NPEPPS: variants seen among roughly 807,000 people sequenced by gnomAD.
The protein encoded by NPEPPS is puromycin-sensitive aminopeptidase.
Under a neutral mutation model 115.5 loss-of-function variants are expected in NPEPPS, and 14 were observed. The ratio of observed to expected loss-of-function variants is 0.12; its 90% CI spans 0.08 to 0.19. The LOEUF (loss-of-function observed/expected upper bound fraction) is 0.19. Among genes scored for constraint, NPEPPS ranks in the 10% least tolerant of loss-of-function variants. The probability of loss-of-function intolerance (pLI) is 1.00; values close to 1 mark genes in which losing one functional copy is unlikely to be tolerated. For missense variants in NPEPPS, 523 were observed against 1,110.8 expected (o/e 0.47, Z 7.52); for synonymous variants, 285 against 390.6 (o/e 0.73, Z 3.19).
chr17:47,527,859 G>C (rs1261329594), upstream of NPEPPS, among the ~76,000 whole-genome samples: 4 of 151,578 alleles, frequency 2.6e-5, no homozygotes, highest in Non-Finnish European at 1.5e-5. Flanking sequence ...TGGGGCAGGA[G>C]AGTCGCTTGA....
At chr17:47,568,176 T>C (rs1178120568) in intron 2 of NPEPPS, among the ~76,000 whole-genome samples, 2 of 151,276 alleles carry the variant, frequency 1.3e-5, no homozygotes, top group Non-Finnish European at 3.0e-5. Context: ...TTTTTTTTCT[T>C]TTTTTGAGAC....
chr17:47,566,154 T>C (rs552566460), intron 2 of NPEPPS, among the ~76,000 whole-genome samples: 31 of 152,244 alleles, frequency 2.0e-4, no homozygotes, highest in African/African-American at 7.0e-4. Context: ...TCACCACGTA[T>C]GACTAATTTT....
chr17:47,534,101 T>TC (rs1298330188), intron 1 of NPEPPS, among the ~76,000 whole-genome samples: 1 of 152,206 alleles, frequency 6.6e-6, no homozygotes, highest in Non-Finnish European at 1.5e-5. Flanking sequence ...AAAATTCTTT[T>TC]TTTTTTTTGA....
intron 2 of NPEPPS, among the ~76,000 whole-genome samples, chr17:47,553,262 A>T (rs1048412177): frequency 6.6e-6 from 1 of 150,932 alleles, no homozygotes; most frequent in Non-Finnish European, 1.5e-5. Context: ...AATCCTAGCT[A>T]CTCGGGAGGC....
rs1292529642 is a variant in NPEPPS at position 47,601,687 on chromosome 17, A to G, written c.1680A>G (p.Leu560=). ...EDPNQAKLKI[L]MDKPEMNVVL... is the part of the protein sequence containing the mutation. ...CCAACCAGGCCAAACTAAAAATTCT[A>G]ATGGACAAGCCAGAGATGAATGTGG... Residue 560 remains leucine, a synonymous_variant, in exon 15 of 23, where the codon CTA becomes CTG. Coordinates refer to ENST00000322157, the MANE Select transcript of NPEPPS (RefSeq NM_006310.4). The G allele has an allele frequency of 6.2e-7, 1 of 1,613,048 alleles. No homozygotes were observed. Among genetic ancestry groups the G allele is most frequent in the Admixed American group, 1.7e-5 (1 of 59,690 alleles).
intron 3 of NPEPPS, among the ~76,000 whole-genome samples, chr17:47,572,034 T>G (rs549192977): frequency 8.1e-6 from 1 of 123,612 alleles, no homozygotes; most frequent in Non-Finnish European, 1.8e-5. Context: ...GGACTAGTAG[T>G]GAGCGGGCAG....
chr17:47,553,217 A>G (rs1305563793), intron 2 of NPEPPS, among the ~76,000 whole-genome samples: 1 of 151,602 alleles, frequency 6.6e-6, no homozygotes, highest in Non-Finnish European at 1.5e-5. Flanking sequence ...AAAAAAAAGT[A>G]CAAAAATTAG....
intron 4 of NPEPPS, 53 bp downstream of exon 4, chr17:47,579,564 C>T (rs1911735067): frequency 6.5e-7 from 1 of 1,534,652 alleles, no homozygotes; most frequent in South Asian, 1.2e-5. Flanking sequence ...GGCATTCTGA[C>T]AAAGCTGTGT....
intron 2 of NPEPPS, among the ~76,000 whole-genome samples, chr17:47,556,333 C>T (rs2143755660): frequency 6.6e-6 from 1 of 152,018 alleles, no homozygotes; most frequent in East Asian, 1.9e-4. Flanking sequence ...GCACATCTTG[C>T]ACCACCCTTG....
At chr17:47,532,951 A>G (rs2143655801) in intron 1 of NPEPPS, among the ~76,000 whole-genome samples, 1 of 152,282 alleles carries the variant, frequency 6.6e-6, no homozygotes, top group Non-Finnish European at 1.5e-5. Flanking sequence ...ATTTTGTTTC[A>G]TTTCTCTTCC....
intron 2 of NPEPPS, chr17:47,559,687 G>A (rs1910302316): frequency 2.2e-6 from 1 of 454,658 alleles, no homozygotes. Context: ...CATCTTTCCT[G>A]GTAGGATATC....
At chr17:47,607,929 C>T (rs1213718466) in intron 17 of NPEPPS, among the ~76,000 whole-genome samples, 1 of 151,984 alleles carries the variant, frequency 6.6e-6, no homozygotes, top group Non-Finnish European at 1.5e-5. Context: ...ACTGCAGCCT[C>T]GAATTCCTGG....
chr17:47,567,126 G>A (rs1290452546), intron 2 of NPEPPS, among the ~76,000 whole-genome samples: 2 of 152,148 alleles, frequency 1.3e-5, no homozygotes, highest in African/African-American at 4.8e-5. Flanking sequence ...GCTTATGATT[G>A]TAGAAATAAT....
At chr17:47,530,225 GA>G (rs1310431474), upstream of NPEPPS, among the ~76,000 whole-genome samples, 1 of 148,662 alleles carries the variant, frequency 6.7e-6, no homozygotes, top group Admixed American at 6.8e-5. Context: ...TTACAGGCGT[GA>G]GCCACCGCGA....
At chr17:47,553,138 G>A (rs570075631) in intron 2 of NPEPPS, among the ~76,000 whole-genome samples, 4 of 152,040 alleles carry the variant, frequency 2.6e-5, no homozygotes, top group South Asian at 4.2e-4. Context: ...AGGCCGAGGC[G>A]GGCGGCTCAC....
At chr17:47,534,059 G>T (rs753783190) in intron 1 of NPEPPS, among the ~76,000 whole-genome samples, 29 of 152,092 alleles carry the variant, frequency 1.9e-4, no homozygotes, top group Non-Finnish European at 3.5e-4. Flanking sequence ...GTGGCATTAG[G>T]TGGTATCTTG....
intron 2 of NPEPPS, among the ~76,000 whole-genome samples, chr17:47,549,121 GATCA>G (rs1909448104): frequency 1.3e-5 from 2 of 151,562 alleles, no homozygotes; most frequent in African/African-American, 4.8e-5. Flanking sequence ...GTGGCGGGTG[GATCA>G]TGACGTCAGA....
intron 2 of NPEPPS, among the ~76,000 whole-genome samples, chr17:47,562,604 CAG>C (rs1491500898): frequency 5.0e-4 from 57 of 114,996 alleles, no homozygotes; most frequent in African/African-American, 1.3e-3. Context: ...TTTTTTGATG[CAG>C]AGTGTGTGTG....
At chr17:47,556,682 C>T (rs1280491710) in intron 2 of NPEPPS, among the ~76,000 whole-genome samples, 3 of 152,162 alleles carry the variant, frequency 2.0e-5, no homozygotes, top group South Asian at 2.1e-4. Context: ...CCCCACCTCC[C>T]GGACGGGGCG....
Sources: allele counts gnomAD v4.1 joint callset (sites outside exome capture counted in the v4.1 genomes callset), GRCh38; gene constraint gnomAD v4.1.1; transcripts MANE v1.5; gene names NCBI Gene and HGNC (gene_info 2026-07-23, HGNC 2026-07-21).